LAMA1: variants seen among roughly 807,000 people sequenced by gnomAD.
The protein encoded by LAMA1 is laminin subunit alpha 1.
Under a neutral mutation model 348.7 loss-of-function variants are expected in LAMA1, and 219 were observed. The ratio of observed to expected loss-of-function variants is 0.63; its 90% CI spans 0.56 to 0.70. The LOEUF (loss-of-function observed/expected upper bound fraction) is 0.70, where lower values mean the gene tolerates loss of function less well. Ranked by LOEUF, LAMA1 falls within the 30% of genes least tolerant of loss-of-function variation. The probability of loss-of-function intolerance (pLI) is 0.00; values close to 1 mark genes in which losing one functional copy is unlikely to be tolerated. For missense variants in LAMA1, 3,744 were observed against 3,888.0 expected, an observed-to-expected ratio of 0.96 and a Z score of 0.99; for synonymous variants, 1,487 against 1,491.0, an observed-to-expected ratio of 1.00 and a Z score of 0.06.
intron 15 of LAMA1, 116 bp downstream of exon 15, chr18:7,032,868 C>A: frequency 1.3e-6 from 1 of 784,040 alleles, no homozygotes; most frequent in South Asian, 1.5e-5. Context: ...AAGACTGAGC[C>A]AAACATTGGG....
At chr18:7,071,574 A>T (rs538442208) in intron 3 of LAMA1, among the ~76,000 whole-genome samples, 3 of 152,392 alleles carry the variant, frequency 2.0e-5, no homozygotes, top group Non-Finnish European at 4.4e-5. Flanking sequence ...AGGCCTGAGG[A>T]TTCTTAGGCA....
chr18:7,065,756 C>T (rs6506468), intron 3 of LAMA1, among the ~76,000 whole-genome samples: 3 of 152,090 alleles, frequency 2.0e-5, no homozygotes, highest in Non-Finnish European at 2.9e-5. Flanking sequence ...TGAACAGAAG[C>T]GAATAAGTAT....
At position 6,966,249 on chromosome 18, in the gene LAMA1, A is replaced by C. The variant is rs779416456; in HGVS notation, c.6948T>G (p.Ser2316=). The C allele has an allele frequency of 1.0e-4, 163 of 1,613,908 alleles. No homozygotes were observed. The highest frequency in any genetic ancestry group is 1.3e-4 in the Non-Finnish European group (158 of 1,179,980). The change falls in exon 49 of 63, where the codon TCT becomes TCG. Residue 2316 remains serine, a synonymous_variant. Coordinates refer to ENST00000389658, the MANE Select transcript of LAMA1 (RefSeq NM_005559.4). The part of the protein sequence containing the change: ...PSFHFDGSGY[S]VVEKSLPATV... Reference sequence around the variant, plus strand: ...TAGCCGGAAGTGACTTCTCCACGACAGAGTACCCACTCCCGTCAAAATGGA... The same window carrying C: ...TAGCCGGAAGTGACTTCTCCACGACCGAGTACCCACTCCCGTCAAAATGGA...
intron 3 of LAMA1, among the ~76,000 whole-genome samples, chr18:7,063,879 AAGGGGTACAG>A (rs2058112183): frequency 6.6e-6 from 1 of 152,190 alleles, no homozygotes; most frequent in South Asian, 2.1e-4. Flanking sequence ...GTTGGTGTTT[AAGGGGTACAG>A]AGTTTCTGTT....
In LAMA1 at chr18:6,943,493, T is replaced by G. The variant is rs937709509; in HGVS notation, c.8845-91A>C. 7 of 1,058,324 alleles carry G rather than the reference T, an allele frequency of 6.6e-6. No individual in the cohort carries two copies. In the Admixed American group the frequency reaches 1.2e-4, roughly 18 times the overall value. 65.6% of individuals were successfully genotyped at this position (1,058,324 alleles called of 1,614,324 possible). On this transcript the variant is annotated intron_variant, in intron 61 of 62. Transcript: ENST00000389658. ...TGGAGTAGATAAAATTGCAGCATTATGTTTAAAAGGAGAGCTAACTAGGAG... is the reference window on the plus strand; with the variant it reads ...TGGAGTAGATAAAATTGCAGCATTAGGTTTAAAAGGAGAGCTAACTAGGAG...
chr18:7,026,199 A>C, intron 16 of LAMA1, 93 bp from the exon 17 acceptor site: 1 of 1,500,228 alleles, frequency 6.7e-7, no homozygotes. Flanking sequence ...GGAAAAAAAA[A>C]AGACAAAATG....
rs548573420 is a variant in LAMA1 at position 7,099,048 on chromosome 18, T to C, written c.62-18591A>G. On this transcript the variant is annotated intron_variant, in intron 1 of 62. Transcript: ENST00000389658. ...AAAGGGGGGAAAGGCGGGGAAAAGA[T>C]TGAGAAATCGGATGGTTGCCGTGTC... Among the ~76,000 whole-genome samples the C allele has an allele frequency of 5.5e-3, 840 of 151,932 alleles. 8 individuals carry two copies. The highest frequency in any genetic ancestry group is 6.8e-3 in the Admixed American group (104 of 15,244).
At chr18:6,982,960 A>G in intron 40 of LAMA1, 139 bp downstream of exon 40, 1 of 1,114,782 alleles carries the variant, frequency 9.0e-7, no homozygotes, top group Non-Finnish European at 1.3e-6. Flanking sequence ...CACAGATCAT[A>G]TGATGACAGA....
intron 1 of LAMA1, among the ~76,000 whole-genome samples, chr18:7,104,135 C>G (rs914187227): frequency 6.8e-6 from 1 of 148,086 alleles, no homozygotes; most frequent in Admixed American, 6.6e-5. Context: ...ACCGCCACCA[C>G]GCTTGGCTGA....
intron 4 of LAMA1, among the ~76,000 whole-genome samples, chr18:7,050,134 C>T (rs182481017): frequency 1.7e-4 from 26 of 152,320 alleles, no homozygotes; most frequent in African/African-American, 6.3e-4. Context: ...TAATTAATCT[C>T]TGCCCTTGAA....
chr18:7,011,264 A>G (rs767211092), intron 25 of LAMA1, 36 bp downstream of exon 25: 3 of 1,604,794 alleles, frequency 1.9e-6, no homozygotes, highest in Non-Finnish European at 2.5e-6. Flanking sequence ...TATCCTAGGA[A>G]GCACCGACTG....
At chr18:6,953,655 T>C (rs2143984811) in intron 57 of LAMA1, 1 of 152,310 alleles carries the variant, frequency 6.6e-6, no homozygotes, top group East Asian at 1.9e-4. Flanking sequence ...TCCCTATACC[T>C]CAATCTCCTT....
At chr18:7,033,781 C>A (rs12604441) in intron 14 of LAMA1, among the ~76,000 whole-genome samples, 2 of 151,456 alleles carry the variant, frequency 1.3e-5, no homozygotes, top group Non-Finnish European at 2.9e-5. Context: ...GCTGCCCCAG[C>A]TGGAGTGCAG....
At chr18:7,053,229 G>A (rs897589359) in intron 3 of LAMA1, among the ~76,000 whole-genome samples, 1 of 152,144 alleles carries the variant, frequency 6.6e-6, no homozygotes, top group African/African-American at 2.4e-5. Context: ...TTTTAGGGCG[G>A]TGAAACCACC....
At chr18:7,091,313 C>G (rs2058238950) in intron 1 of LAMA1, among the ~76,000 whole-genome samples, 1 of 152,118 alleles carries the variant, frequency 6.6e-6, no homozygotes, top group Middle Eastern at 3.2e-3. Flanking sequence ...GTCACTGTAC[C>G]TCTCTCCTAA....
At chr18:7,080,129 TGCTTTAA>T in intron 2 of LAMA1, 42 bp from the exon 3 acceptor site, 1 of 1,579,064 alleles carries the variant, frequency 6.3e-7, no homozygotes, top group Non-Finnish European at 8.7e-7. Context: ...TCTCGGCTGT[TGCTTTAA>T]ATTTCTTAAG....
Position 6,958,781 on chromosome 18 carries a change from T to C in LAMA1, c.7779-119A>G, listed in dbSNP as rs926822515. Reference sequence around the variant, plus strand: ...ATAATAAAAGTTCCCTAAAGGTTCATTTTAACAAGACACTGTCTGTGACCA... The same window carrying C: ...ATAATAAAAGTTCCCTAAAGGTTCACTTTAACAAGACACTGTCTGTGACCA... On this transcript the variant is annotated intron_variant, in intron 54 of 62. Transcript: ENST00000389658. The C allele has an allele frequency of 8.3e-6, 7 of 846,562 alleles. No individual in the cohort carries two copies. In the African/African-American group the frequency reaches 1.0e-4, roughly 12 times the overall value. 52.4% of individuals were successfully genotyped at this position (846,562 alleles called of 1,614,324 possible).
chr18:7,033,749 T>G (rs901471101), intron 14 of LAMA1, among the ~76,000 whole-genome samples: 2 of 152,000 alleles, frequency 1.3e-5, no homozygotes, highest in East Asian at 3.9e-4. Context: ...AACTTTTTTT[T>G]TTTGAGACAA....
At chr18:7,002,482 G>A in intron 29 of LAMA1, 97 bp from the exon 30 acceptor site, 1 of 1,285,554 alleles carries the variant, frequency 7.8e-7, no homozygotes. Context: ...TTTTATATCA[G>A]CTAGCTTTTA....
Sources: gnomAD v4.1 joint callset for allele counts (sites outside exome capture counted in the v4.1 genomes callset) on GRCh38, gnomAD v4.1.1 for gene constraint, MANE v1.5 for transcripts, NCBI Gene and HGNC (gene_info 2026-07-23, HGNC 2026-07-21) for gene names.